The following IFI16 variants were observed in gnomAD, a reference collection of about 807,000 sequenced individuals.
IFI16 encodes the protein gamma-interferon-inducible protein 16.
IFI16 carries 49 observed loss-of-function variants against 68.4 expected under a neutral mutation model. The ratio of observed to expected loss-of-function variants is 0.72; its 90% CI spans 0.57 to 0.91. The LOEUF is 0.91. Among genes scored for constraint, IFI16 ranks in the 40% least tolerant of loss-of-function variants. The pLI is 0.00. For synonymous variants in IFI16, 307 were observed against 315.0 expected (o/e 0.97, Z 0.27); for missense variants, 878 against 942.9 (o/e 0.93, Z 0.90).
chr1:159,046,593 C>T (rs1654999009), intron 8 of IFI16, among the ~76,000 whole-genome samples: 1 of 151,164 alleles, frequency 6.6e-6, no homozygotes, highest in Non-Finnish European at 1.5e-5. Context: ...AGTTTCTTTG[C>T]AATCCTTTCT....
At chr1:159,051,286 G>C (rs1443035816) in intron 9 of IFI16, among the ~76,000 whole-genome samples, 1 of 152,082 alleles carries the variant, frequency 6.6e-6, no homozygotes, top group Non-Finnish European at 1.5e-5. Context: ...AATATGACCT[G>C]ACCTGGGTAG....
rs1163240449 is a variant in IFI16, at chr1:159,049,702, C to G, written c.1665+103C>G. The G allele has an allele frequency of 4.6e-6, 6 of 1,304,886 alleles. No individual in the cohort carries two copies. In the East Asian group the frequency reaches 1.4e-4, roughly 30 times the overall value. The allele number at this position is 1,304,886 out of a possible 1,614,324, so 80.8% of individuals were successfully genotyped here. A position where few individuals can be genotyped will look rare whatever the true frequency, so the allele number is the denominator to read the frequency against. The stretch of plus-strand genomic sequence containing the variant: ...CACCAATCCCCTACTACATACAATG[C>G]TTTAATTTAACCAAATCAGTCATTT... On this transcript the variant is annotated intron_variant, in intron 9 of 11. Transcript: ENST00000295809.
At position 159,018,642 on chromosome 1, in the gene IFI16, G is replaced by A; in HGVS notation, c.963G>A (p.Met321Ile). Residue 321 changes from methionine to isoleucine, a missense_variant, in exon 5 of 12, where the codon ATG becomes ATA. Transcript: ENST00000295809. ...GAAATATTGTATATGGGGTATTTAT[G>A]CTACATAAGGTAAGTCCTCAAAATT... ...ASGNIVYGVF[M>I]LHKKTVNQKT... The A allele has an allele frequency of 2.5e-6, 4 of 1,601,996 alleles. No individual in the cohort carries two copies. Among genetic ancestry groups the A allele is most frequent in the Admixed American group, 1.7e-5 (1 of 57,786 alleles).
chr1:159,044,058 A>T (rs1266053081), intron 7 of IFI16, among the ~76,000 whole-genome samples: 2 of 152,154 alleles, frequency 1.3e-5, no homozygotes, highest in African/African-American at 4.8e-5. Context: ...TCGTGGAAAA[A>T]TAATAGCAAC....
chr1:159,016,736 T>C, intron 4 of IFI16, 36 bp downstream of exon 4: 1 of 1,578,744 alleles, frequency 6.3e-7, no homozygotes, highest in Non-Finnish European at 8.6e-7. Context: ...CTTTGTTTTT[T>C]TCAACCCAAA....
Position 159,018,701 on chromosome 1 carries a change from TA to T in IFI16, c.972+54del, listed in dbSNP as rs756553635. 7 of 1,313,084 alleles carry T rather than the reference TA, an allele frequency of 5.3e-6. No homozygotes were observed. The South Asian group carries it at 9.5e-5, about 18-fold the overall frequency. The allele number at this position is 1,313,084 out of a possible 1,614,324, so 81.3% of individuals were successfully genotyped here. A position where few individuals can be genotyped will look rare whatever the true frequency, so the allele number is the denominator to read the frequency against. On this transcript the variant is annotated intron_variant, in intron 5 of 11. Coordinates refer to ENST00000295809, the MANE Select transcript of IFI16 (RefSeq NM_001376587.1). The stretch of plus-strand genomic sequence containing the variant: ...TCATTTTTCCACCAACACCTGAAAT[TA>T]AAAGTCTTGATGTGTGAGATGAAGC...
chr1:159,012,882 T>G (rs1174629049), intron 1 of IFI16, among the ~76,000 whole-genome samples: 2 of 152,216 alleles, frequency 1.3e-5, no homozygotes, highest in African/African-American at 4.8e-5. Flanking sequence ...AACTTTCCAT[T>G]GAAAATTTTT....
rs79994655 is a variant in IFI16, at chr1:159,052,517, G to A, written c.2085+419G>A. 1.1e-3 allele frequency: 184 copies of A among 162,704 alleles called. 4 individuals carry two copies. In the East Asian group the frequency reaches 0.028, roughly 25 times the overall value. The allele number at this position is 162,704 out of a possible 1,614,324, so 10.1% of individuals were successfully genotyped here. ...GCTCTCCCAAGCCTGAATCCTGATTGTGACAACCAGAGTAAGAAATAAAAT... is the reference window on the plus strand; with the variant it reads ...GCTCTCCCAAGCCTGAATCCTGATTATGACAACCAGAGTAAGAAATAAAAT... On this transcript the variant is annotated intron_variant, in intron 10 of 11. Coordinates refer to ENST00000295809, the MANE Select transcript of IFI16 (RefSeq NM_001376587.1).
chr1:159,005,648 C>T (rs1010543597), upstream of IFI16, among the ~76,000 whole-genome samples: 2 of 152,124 alleles, frequency 1.3e-5, no homozygotes, highest in Non-Finnish European at 2.9e-5. Flanking sequence ...GAAGGACTGG[C>T]TGAGAGAAGC....
chr1:159,035,353 A>G (rs934543199), intron 7 of IFI16, among the ~76,000 whole-genome samples: 1 of 152,194 alleles, frequency 6.6e-6, no homozygotes, highest in Non-Finnish European at 1.5e-5. Context: ...GTGCCTTTTC[A>G]GTGACTAAAG....
chr1:159,035,843 TA>T (rs1463708111), intron 7 of IFI16, among the ~76,000 whole-genome samples: 2 of 150,002 alleles, frequency 1.3e-5, no homozygotes, highest in Middle Eastern at 3.2e-3. Context: ...ATAATTGCTC[TA>T]AGAAAAAAAA....
chr1:159,042,078 A>G (rs1654682637), intron 7 of IFI16, among the ~76,000 whole-genome samples: 1 of 152,182 alleles, frequency 6.6e-6, no homozygotes, highest in Non-Finnish European at 1.5e-5. Flanking sequence ...AGCCAGGATC[A>G]TATGTCTTCT....
At chr1:159,016,308 A>G (rs558214147) in intron 3 of IFI16, among the ~76,000 whole-genome samples, 4 of 152,334 alleles carry the variant, frequency 2.6e-5, no homozygotes, top group East Asian at 1.9e-4. Flanking sequence ...AGCACATCCC[A>G]TAACAGAAAT....
intron 1 of IFI16, among the ~76,000 whole-genome samples, chr1:159,012,181 CTG>C (rs1475860744): frequency 6.6e-6 from 1 of 152,098 alleles, no homozygotes; most frequent in African/African-American, 2.4e-5. Context: ...TGCAAAAAGA[CTG>C]AGGCCCTGAG....
exon 1 of IFI16, chr1:159,000,374 T>G (rs1557856862): frequency 5.1e-6 from 1 of 194,410 alleles, no homozygotes; most frequent in Non-Finnish European, 1.1e-5. Flanking sequence ...CAAAAGTGAT[T>G]CAACATTCAA....
upstream of IFI16, among the ~76,000 whole-genome samples, chr1:159,003,829 T>G (rs1367081037): frequency 6.6e-6 from 1 of 151,920 alleles, no homozygotes; most frequent in Non-Finnish European, 1.5e-5. Context: ...CCCAGCTAAT[T>G]TTTTGTATTT....
intron 6 of IFI16, among the ~76,000 whole-genome samples, chr1:159,025,518 T>A (rs1386768100): frequency 6.6e-6 from 1 of 152,196 alleles, no homozygotes. Context: ...ATTTTAATTT[T>A]TTATATTTGT....
intron 11 of IFI16, among the ~76,000 whole-genome samples, chr1:159,054,007 G>C (rs2101941723): frequency 6.6e-6 from 1 of 152,188 alleles, no homozygotes. Flanking sequence ...AAGAATTTGG[G>C]TTTGGTTAAG....
chr1:159,011,667 C>T (rs200230594), intron 1 of IFI16, among the ~76,000 whole-genome samples: 6 of 151,762 alleles, frequency 4.0e-5, no homozygotes, highest in East Asian at 3.9e-4. Flanking sequence ...AAACTTTTAT[C>T]ATGTGGTATC....
Sources: allele counts gnomAD v4.1 joint callset (sites outside exome capture counted in the v4.1 genomes callset), GRCh38; gene constraint gnomAD v4.1.1; transcripts MANE v1.5; gene names NCBI Gene and HGNC (gene_info 2026-07-23, HGNC 2026-07-21).